The following FGF12 variants were observed in gnomAD, a reference collection of about 807,000 sequenced individuals.
FGF12 encodes fibroblast growth factor 12, also known as fibroblast growth factor 12B.
A neutral mutation model predicts 23.6 loss-of-function variants in FGF12; 14 were observed. The ratio of observed to expected loss-of-function variants is 0.59; its 90% CI spans 0.39 to 0.93. FGF12 has a LOEUF of 0.93. FGF12 is among the 40% of genes least tolerant of loss of function. The pLI is 0.00. For missense variants in FGF12, 175 were observed against 217.8 expected (o/e 0.80, Z 1.24); for synonymous variants, 62 against 77.3 (o/e 0.80, Z 1.04).
intron 4 of FGF12, among the ~76,000 whole-genome samples, chr3:192,221,857 T>C (rs1191184558): frequency 1.3e-5 from 2 of 152,048 alleles, no homozygotes; most frequent in Non-Finnish European, 1.5e-5. Flanking sequence ...AAAATGATCA[T>C]GATATAAATA....
At chr3:192,244,013 C>A (rs975492274) in intron 4 of FGF12, among the ~76,000 whole-genome samples, 1 of 152,018 alleles carries the variant, frequency 6.6e-6, no homozygotes, top group Non-Finnish European at 1.5e-5. Context: ...AAAATTAAAA[C>A]TATGATGAAT....
At chr3:192,286,877 C>G (rs1714476081) in intron 4 of FGF12, among the ~76,000 whole-genome samples, 1 of 152,008 alleles carries the variant, frequency 6.6e-6, no homozygotes, top group African/African-American at 2.4e-5. Context: ...GGCATGCACA[C>G]TTACAATGTA....
chr3:192,303,604 G>A (rs1715461432), intron 4 of FGF12, among the ~76,000 whole-genome samples: 1 of 152,154 alleles, frequency 6.6e-6, no homozygotes, highest in South Asian at 2.1e-4. Context: ...AGCATGATTG[G>A]AATTTTGCCT....
intron 2 of FGF12, among the ~76,000 whole-genome samples, chr3:192,549,448 A>G (rs1287248619): frequency 2.0e-5 from 3 of 152,182 alleles, no homozygotes; most frequent in Admixed American, 2.0e-4. Flanking sequence ...ATGATTATTC[A>G]TGGTAAAGTG....
At chr3:192,683,264 G>C (rs1317613214) in intron 2 of FGF12, among the ~76,000 whole-genome samples, 1 of 152,200 alleles carries the variant, frequency 6.6e-6, no homozygotes, top group Non-Finnish European at 1.5e-5. Flanking sequence ...AACCTGTGGA[G>C]TCAGTGCTAA....
intron 2 of FGF12, among the ~76,000 whole-genome samples, chr3:192,596,146 C>CATAA (rs1713843336): frequency 3.1e-5 from 2 of 64,178 alleles, no homozygotes; most frequent in Non-Finnish European, 6.9e-5. Context: ...ATATAATATA[C>CATAA]TCTTAAAATG....
chr3:192,637,360 A>C (rs948959378), intron 2 of FGF12, among the ~76,000 whole-genome samples: 1 of 152,114 alleles, frequency 6.6e-6, no homozygotes, highest in African/African-American at 2.4e-5. Flanking sequence ...AGGAGGACAA[A>C]ATTTGTATCA....
chr3:192,449,748 C>T (rs1310560119), intron 2 of FGF12, among the ~76,000 whole-genome samples: 2 of 152,124 alleles, frequency 1.3e-5, no homozygotes, highest in Admixed American at 1.3e-4. Context: ...AGGCAGGTTT[C>T]CAGCAAGTCT....
chr3:192,408,993 CGGGGCGGG>C lies in FGF12; in HGVS notation c.14-48463_14-48456del. ...GTTACCCGGAGTCTGGGTAGGGGCG[CGGGGCGGG>C]GGCAGCTGTTTCCAGCTGCGGTGAG... On this transcript the variant is annotated intron_variant, in intron 2 of 5. Coordinates refer to ENST00000445105, the MANE Select transcript of FGF12 (RefSeq NM_004113.6). This position sits in a 1 kb window ranked among gnomAD's most constrained non-coding sequence, Gnocchi z 7.3. 1.0e-6 allele frequency: 1 copy of C among 976,926 alleles called. No individual in the cohort carries two copies. The highest frequency in any genetic ancestry group is 1.2e-6 in the Non-Finnish European group (1 of 827,852). The allele number at this position is 976,926 out of a possible 1,614,324, so 60.5% of individuals were successfully genotyped here.
rs372619417 is a variant in FGF12 at position 192,367,414 on chromosome 3, C to T, written c.14-6876G>A. Among the ~76,000 whole-genome samples the T allele has an allele frequency of 1.6e-4, 24 of 152,236 alleles. No homozygotes were observed. In the East Asian group the frequency reaches 2.5e-3, roughly 16 times the overall value. ...TGATTCTTGTCAAGGGCTTCGGGGGCATTACATTGATGCAGACTTCAAAAT... is the reference window on the plus strand; with the variant it reads ...TGATTCTTGTCAAGGGCTTCGGGGGTATTACATTGATGCAGACTTCAAAAT... On this transcript the variant is annotated intron_variant, in intron 2 of 5. Transcript: ENST00000445105.
intron 2 of FGF12, among the ~76,000 whole-genome samples, chr3:192,629,310 T>C (rs1715299693): frequency 6.6e-6 from 1 of 152,236 alleles, no homozygotes; most frequent in African/African-American, 2.4e-5. Context: ...AGTTTTTCCC[T>C]TGTCCTGCAT....
Position 192,692,445 on chromosome 3 carries a change from C to A in FGF12, c.13+34736G>T, listed in dbSNP as rs578195768. Among the ~76,000 whole-genome samples, 5 of 152,246 alleles carry A rather than the reference C, an allele frequency of 3.3e-5. No individual in the cohort carries two copies. In the East Asian group the frequency reaches 9.7e-4, roughly 29 times the overall value. ...ATCAGGCCAGATGCGGTGGCTCACA[C>A]CTGTATTCCCAGCACTTTGGAAGCC... On this transcript the variant is annotated intron_variant, in intron 2 of 5. Coordinates refer to ENST00000445105, the MANE Select transcript of FGF12 (RefSeq NM_004113.6).
chr3:192,534,028 C>A, intron 2 of FGF12: 1 of 172,630 alleles, frequency 5.8e-6, no homozygotes. Context: ...GGTAATGTGC[C>A]GATGTCTTGA....
intron 2 of FGF12, among the ~76,000 whole-genome samples, chr3:192,602,635 A>G (rs1714160052): frequency 6.6e-6 from 1 of 152,064 alleles, no homozygotes; most frequent in Non-Finnish European, 1.5e-5. Flanking sequence ...TGTTAAGGAA[A>G]AGATCTATGA....
intron 2 of FGF12, among the ~76,000 whole-genome samples, chr3:192,430,535 A>T (rs1241725541): frequency 6.6e-6 from 1 of 152,186 alleles, no homozygotes; most frequent in East Asian, 1.9e-4. Context: ...AAAGAACTGG[A>T]TCTTCTTTGA....
At chr3:192,322,194 G>T (rs533097468) in intron 4 of FGF12, among the ~76,000 whole-genome samples, 3 of 151,690 alleles carry the variant, frequency 2.0e-5, no homozygotes, top group South Asian at 2.1e-4. Flanking sequence ...ATCAGAAAAA[G>T]AAATTTAAAA....
intron 2 of FGF12, among the ~76,000 whole-genome samples, chr3:192,580,928 A>G (rs941404257): frequency 2.0e-5 from 3 of 152,220 alleles, no homozygotes; most frequent in African/African-American, 7.2e-5. Context: ...ACACTAATAC[A>G]TGTTGTGAGG....
intron 2 of FGF12, among the ~76,000 whole-genome samples, chr3:192,524,819 T>C (rs1214385974): frequency 6.6e-6 from 1 of 152,018 alleles, no homozygotes; most frequent in Non-Finnish European, 1.5e-5. Flanking sequence ...ATGTACTACC[T>C]TCACTTCAGC....
At chr3:192,662,546 T>G (rs1255536451) in intron 2 of FGF12, among the ~76,000 whole-genome samples, 3 of 152,038 alleles carry the variant, frequency 2.0e-5, no homozygotes, top group Non-Finnish European at 4.4e-5. Flanking sequence ...GGCTAGGAGG[T>G]CTGACTTGGA....
Sources: gnomAD v4.1 joint callset for allele counts (sites outside exome capture counted in the v4.1 genomes callset) on GRCh38, gnomAD v4.1.1 for gene constraint, Gnocchi (gnomAD v3.1) non-coding constraint, MANE v1.5 for transcripts, NCBI Gene and HGNC (gene_info 2026-07-23, HGNC 2026-07-21) for gene names.